Variants in KPNA5 observed in about 807,000 individuals in gnomAD.
KPNA5 encodes the protein karyopherin subunit alpha 5.
KPNA5 carries 46 observed loss-of-function variants against 71.3 expected under a neutral mutation model. The observed-to-expected ratio is 0.65, with a 90% CI of 0.51 to 0.83. KPNA5 has a LOEUF of 0.83. KPNA5 is among the 40% of genes least tolerant of loss of function. The pLI, the probability that KPNA5 is intolerant of heterozygous loss-of-function variation, is 0.00. For missense variants in KPNA5, 547 were observed against 628.3 expected (o/e 0.87, Z 1.38); for synonymous variants, 207 against 201.4 (o/e 1.03, Z -0.24).
intron 6 of KPNA5, among the ~76,000 whole-genome samples, chr6:116,702,735 C>G (rs1235835359): frequency 6.6e-6 from 1 of 152,120 alleles, no homozygotes; most frequent in Admixed American, 6.5e-5. Flanking sequence ...ATGGCAGAGC[C>G]GGGTTTTAAA....
intron 4 of KPNA5, among the ~76,000 whole-genome samples, chr6:116,698,126 A>G (rs1284238090): frequency 6.6e-6 from 1 of 152,006 alleles, no homozygotes; most frequent in South Asian, 2.1e-4. Context: ...TACTTAGATG[A>G]CCAGTACCTG....
rs765629720 is a variant in KPNA5 at position 116,741,858 on chromosome 6, A to G, written c.*9535A>G. Reference sequence around the variant, plus strand: ...TCACAATTCCAGAATAAAAGAATCTACTTTGTGTATTAATGTTTTATGCTT... The same window carrying G: ...TCACAATTCCAGAATAAAAGAATCTGCTTTGTGTATTAATGTTTTATGCTT... On this transcript the variant is annotated 3_prime_UTR_variant, in exon 14 of 14. Transcript: ENST00000368564. 6.6e-6 allele frequency: 1 copy of G among 152,178 alleles called. No homozygotes were observed. Among genetic ancestry groups the G allele is most frequent in the Non-Finnish European group, 1.5e-5 (1 of 68,008 alleles). The allele number at this position is 152,178 out of a possible 1,614,324, so 9.4% of individuals were successfully genotyped here. A position where few individuals can be genotyped will look rare whatever the true frequency, so the allele number is the denominator to read the frequency against.
chr6:116,726,439 C>T (rs1779290108), intron 11 of KPNA5, 56 bp from the exon 12 acceptor site: 1 of 1,390,450 alleles, frequency 7.2e-7, no homozygotes, highest in South Asian at 1.6e-5. Context: ...ATTTTTTTTA[C>T]TGGTAATATT....
At chr6:116,697,811 A>G (rs769192469) in intron 4 of KPNA5, among the ~76,000 whole-genome samples, 28 of 152,028 alleles carry the variant, frequency 1.8e-4, no homozygotes, top group Non-Finnish European at 3.7e-4. Context: ...GATTTTGGGT[A>G]TGCTGCATTT....
chr6:116,717,556 A>G (rs1291866882), intron 8 of KPNA5, among the ~76,000 whole-genome samples: 1 of 152,192 alleles, frequency 6.6e-6, no homozygotes, highest in Non-Finnish European at 1.5e-5. Flanking sequence ...CCTCAGAAGA[A>G]AGAATTCAAC....
In KPNA5 at chr6:116,711,061, A is replaced by G. The variant is rs950792031; in HGVS notation, c.657-5158A>G. On this transcript the variant is annotated intron_variant, in intron 7 of 13. Coordinates refer to ENST00000368564, the MANE Select transcript of KPNA5 (RefSeq NM_001366306.2). ...AGGTGCATGCCACCATGCCTGGCTAATTTTTGCATTTTTGTAGAGACATGG... is the reference window on the plus strand; with the variant it reads ...AGGTGCATGCCACCATGCCTGGCTAGTTTTTGCATTTTTGTAGAGACATGG... 1.1e-3 allele frequency among the ~76,000 whole-genome samples: 169 copies of G among 150,504 alleles called. 1 individual carries two copies. Among genetic ancestry groups the G allele is most frequent in the African/African-American group, 3.8e-3 (158 of 41,116 alleles).
chr6:116,711,857 G>T (rs1778700934), intron 7 of KPNA5, among the ~76,000 whole-genome samples: 1 of 152,162 alleles, frequency 6.6e-6, no homozygotes, highest in African/African-American at 2.4e-5. Context: ...CCTGCCTCAC[G>T]TGAGCCACCT....
intron 1 of KPNA5, among the ~76,000 whole-genome samples, chr6:116,688,838 A>G (rs1267609777): frequency 6.6e-6 from 1 of 152,130 alleles, no homozygotes; most frequent in Non-Finnish European, 1.5e-5. Flanking sequence ...AAGAAGCCAG[A>G]CCCCAATAAA....
In KPNA5 at chr6:116,732,376, CT is replaced by C; in HGVS notation, c.*54del. On this transcript the variant is annotated 3_prime_UTR_variant, in exon 14 of 14. Coordinates refer to ENST00000368564, the MANE Select transcript of KPNA5 (RefSeq NM_001366306.2). ...TAAAAAGGGTAGCTTCAGGTAACTCCTCTTTGTTGCCAATGTAAGAATGTTT... is the reference window on the plus strand; with the variant it reads ...TAAAAAGGGTAGCTTCAGGTAACTCCCTTTGTTGCCAATGTAAGAATGTTT... 1.0e-6 allele frequency: 1 copy of C among 965,818 alleles called. No individual in the cohort carries two copies. The allele number at this position is 965,818 out of a possible 1,614,324, so 59.8% of individuals were successfully genotyped here.
chr6:116,700,112 G>A (rs72962017), intron 5 of KPNA5, among the ~76,000 whole-genome samples: 6,948 of 152,200 alleles, frequency 0.046, 296 homozygotes, highest in East Asian at 0.2. Context: ...ATGAAGGAGC[G>A]TTTGGCAGAC....
At chr6:116,709,653 G>T (rs1484078015) in intron 7 of KPNA5, among the ~76,000 whole-genome samples, 2 of 152,122 alleles carry the variant, frequency 1.3e-5, no homozygotes, top group African/African-American at 4.8e-5. Context: ...AAAAATGAGT[G>T]TCTTTGTCTT....
At chr6:116,681,361 T>G in intron 1 of KPNA5, 23 bp downstream of exon 1, 1 of 1,583,278 alleles carries the variant, frequency 6.3e-7, no homozygotes, top group Non-Finnish European at 8.6e-7. Context: ...GAACACGGGC[T>G]AGGTTGGGGG....
intron 13 of KPNA5, among the ~76,000 whole-genome samples, chr6:116,730,054 G>A (rs1159277882): frequency 1.4e-5 from 2 of 139,036 alleles, no homozygotes; most frequent in Non-Finnish European, 1.6e-5. Context: ...ATAATGTTAT[G>A]TATATACTAT....
intron 7 of KPNA5, among the ~76,000 whole-genome samples, chr6:116,710,895 T>TATATA (rs61559803): frequency 5.0e-4 from 29 of 58,030 alleles, no homozygotes; most frequent in African/African-American, 6.4e-4. Context: ...ATATATATAT[T>TATATA]TTTTTTTTTT....
At chr6:116,729,197 G>GTGTGTT (rs1351685510) in intron 12 of KPNA5, among the ~76,000 whole-genome samples, 1 of 136,912 alleles carries the variant, frequency 7.3e-6, no homozygotes, top group East Asian at 2.1e-4. Flanking sequence ...GTGTGTGTGT[G>GTGTGTT]TGTCTGTGTG....
intron 7 of KPNA5, among the ~76,000 whole-genome samples, chr6:116,708,746 T>G (rs1310817839): frequency 6.6e-6 from 1 of 152,206 alleles, no homozygotes; most frequent in African/African-American, 2.4e-5. Context: ...CTTGGTAGTG[T>G]ATAGAAATAC....
At chr6:116,692,490 G>T in intron 4 of KPNA5, 98 bp downstream of exon 4, 1 of 742,702 alleles carries the variant, frequency 1.3e-6, no homozygotes, top group South Asian at 1.7e-5. Context: ...ACCTTTCTTT[G>T]CTAGACACAG....
chr6:116,710,251 T>A (rs929160804), intron 7 of KPNA5, among the ~76,000 whole-genome samples: 12 of 152,198 alleles, frequency 7.9e-5, no homozygotes, highest in African/African-American at 2.4e-4. Flanking sequence ...AGATTCAGTT[T>A]CCTAGGATTT....
At chr6:116,722,065 T>A (rs1779125693) in intron 8 of KPNA5, 61 bp from the exon 9 acceptor site, 1 of 1,292,414 alleles carries the variant, frequency 7.7e-7, no homozygotes, top group Admixed American at 2.5e-5. Context: ...TCTATATTTT[T>A]CTAAGGAAAC....
Sources: gnomAD v4.1 joint callset for allele counts (sites outside exome capture counted in the v4.1 genomes callset) on GRCh38, gnomAD v4.1.1 for gene constraint, MANE v1.5 for transcripts, NCBI Gene and HGNC (gene_info 2026-07-23, HGNC 2026-07-21) for gene names.